DLG1: variants seen among roughly 807,000 people sequenced by gnomAD.
DLG1 encodes disks large homolog 1.
A neutral mutation model predicts 123.4 loss-of-function variants in DLG1; 42 were observed. The observed-to-expected ratio is 0.34, with a 90% CI of 0.27 to 0.44. DLG1 has a LOEUF of 0.44. Among genes scored for constraint, DLG1 ranks in the 20% least tolerant of loss-of-function variants. DLG1 has a pLI of 1.00. For synonymous variants in DLG1, 317 were observed against 356.2 expected (o/e 0.89, Z 1.24); for missense variants, 942 against 1,082.6 (o/e 0.87, Z 1.82).
chr3:197,091,071 TAA>T (rs2149175615), intron 14 of DLG1, 45 bp from the exon 15 acceptor site: 1 of 1,336,852 alleles, frequency 7.5e-7, no homozygotes, highest in East Asian at 2.4e-5. Flanking sequence ...TTTCAAAAAA[TAA>T]GTTATTTGAA....
At chr3:197,076,771 A>C in intron 17 of DLG1, 86 bp from the exon 18 acceptor site, 1 of 853,280 alleles carries the variant, frequency 1.2e-6, no homozygotes, top group Non-Finnish European at 1.9e-6. Flanking sequence ...GTGGAAGCTG[A>C]CTCCTATGAC....
intron 5 of DLG1, among the ~76,000 whole-genome samples, chr3:197,171,256 A>T (rs1338054598): frequency 1.3e-5 from 2 of 152,196 alleles, no homozygotes; most frequent in African/African-American, 4.8e-5. Context: ...GAATCACTGT[A>T]CTCAACGGGG....
chr3:197,214,512 G>C (rs1733010967), intron 4 of DLG1, among the ~76,000 whole-genome samples: 1 of 152,124 alleles, frequency 6.6e-6, no homozygotes, highest in African/African-American at 2.4e-5. Context: ...GGCGGAGCTT[G>C]TAGTGAGCCG....
intron 4 of DLG1, among the ~76,000 whole-genome samples, chr3:197,212,592 C>T (rs1171784618): frequency 6.6e-6 from 1 of 152,224 alleles, no homozygotes; most frequent in Non-Finnish European, 1.5e-5. Flanking sequence ...CTGATCTCTG[C>T]CTTCATCTTC....
chr3:197,119,483 C>T lies in DLG1; in HGVS notation c.1213G>A (p.Gly405Ser). The stretch of plus-strand genomic sequence containing the variant: ...CTGGCTGGAGATGCTGGTGTCTGGC[C>T]CAAGAAGGAAGATGGGCTAACATGG... ...DNHVSPSSFL[G>S]QTPASPARYS... The change falls in exon 12 of 25, where the codon GGC becomes AGC. Residue 405 changes from glycine to serine, a missense_variant. Physicochemically the swap from Gly to Ser is moderately conservative, Grantham distance 56. Coordinates refer to ENST00000667157, the MANE Select transcript of DLG1 (RefSeq NM_001366207.1). 1 of 1,611,330 alleles carries T rather than the reference C, an allele frequency of 6.2e-7. No homozygotes were observed. The highest frequency in any genetic ancestry group is 8.5e-7 in the Non-Finnish European group (1 of 1,178,266).
chr3:197,124,883 T>C (rs1046270526), intron 11 of DLG1, among the ~76,000 whole-genome samples: 10 of 152,178 alleles, frequency 6.6e-5, no homozygotes, highest in Non-Finnish European at 1.0e-4. Context: ...ATAAGGAGTA[T>C]GTAAACATGT....
chr3:197,073,709 C>T (rs1435904198), intron 18 of DLG1, among the ~76,000 whole-genome samples: 2 of 152,178 alleles, frequency 1.3e-5, no homozygotes, highest in Non-Finnish European at 2.9e-5. Flanking sequence ...CAGGTCTACA[C>T]AAAGCGTTCT....
intron 5 of DLG1, among the ~76,000 whole-genome samples, chr3:197,154,676 A>G (rs1412314186): frequency 6.6e-6 from 1 of 152,180 alleles, no homozygotes; most frequent in African/African-American, 2.4e-5. Context: ...CTCTGTCTCA[A>G]GAAAAAAAAA....
At chr3:197,130,336 TC>T (rs143889596) in intron 11 of DLG1, among the ~76,000 whole-genome samples, 190 bp downstream of exon 11, 13 of 152,038 alleles carry the variant, frequency 8.6e-5, no homozygotes, top group East Asian at 5.8e-4. Flanking sequence ...GTGAAAAGGA[TC>T]CCCCCCTTCT....
intron 19 of DLG1, chr3:197,068,498 G>A: frequency 6.4e-7 from 1 of 1,569,328 alleles, no homozygotes; most frequent in South Asian, 1.1e-5. Flanking sequence ...TTAACAGGAT[G>A]GACCTTTTGA....
At chr3:197,077,158 GAA>G (rs1747834948) in intron 17 of DLG1, among the ~76,000 whole-genome samples, 1 of 151,786 alleles carries the variant, frequency 6.6e-6, no homozygotes, top group African/African-American at 2.4e-5. Context: ...TGAGCTAACA[GAA>G]AAGTCATTAT....
intron 5 of DLG1, among the ~76,000 whole-genome samples, chr3:197,170,595 T>C (rs1343366296): frequency 6.6e-6 from 1 of 152,216 alleles, no homozygotes; most frequent in Non-Finnish European, 1.5e-5. Context: ...ACTGTTTTTC[T>C]CTTGTAAATT....
Position 197,187,064 on chromosome 3 carries a change from T to C in DLG1, c.483+7361A>G, listed in dbSNP as rs115116510. Reference sequence around the variant, plus strand: ...TTAAATTTCAAAACATACAACTGTATTGAGATAAGACAAGACTGAGAAGAG... The same window carrying C: ...TTAAATTTCAAAACATACAACTGTACTGAGATAAGACAAGACTGAGAAGAG... On this transcript the variant is annotated intron_variant, in intron 5 of 24. Transcript: ENST00000667157. Among the ~76,000 whole-genome samples, 56 of 152,302 alleles carry C rather than the reference T, an allele frequency of 3.7e-4. 1 individual carries two copies. Among genetic ancestry groups the C allele is most frequent in the African/African-American group, 1.2e-3 (51 of 41,570 alleles).
intron 14 of DLG1, among the ~76,000 whole-genome samples, chr3:197,101,855 G>C (rs987089353): frequency 5.3e-5 from 8 of 152,092 alleles, no homozygotes; most frequent in Non-Finnish European, 1.2e-4. Flanking sequence ...GCAGTGGTGA[G>C]ATCATAGCAA....
At chr3:197,080,863 T>C (rs1020600266) in intron 17 of DLG1, 188 bp downstream of exon 17, 1 of 477,294 alleles carries the variant, frequency 2.1e-6, no homozygotes, top group African/African-American at 2.0e-5. Context: ...ATATATCAAA[T>C]GATAGTTTTG....
At chr3:197,094,365 T>C (rs1358528316) in intron 14 of DLG1, among the ~76,000 whole-genome samples, 2 of 152,218 alleles carry the variant, frequency 1.3e-5, no homozygotes, top group African/African-American at 4.8e-5. Flanking sequence ...CTTTTAAGTG[T>C]GTGTGTAACA....
chr3:197,053,759 G>C (rs543335681), intron 23 of DLG1, among the ~76,000 whole-genome samples: 21 of 138,708 alleles, frequency 1.5e-4, no homozygotes, highest in African/African-American at 6.0e-4. Flanking sequence ...GGGAGACAGA[G>C]TAGACCCTGT....
At chr3:197,138,554 A>T (rs1347280171) in intron 8 of DLG1, among the ~76,000 whole-genome samples, 163 bp from the exon 9 acceptor site, 1 of 152,032 alleles carries the variant, frequency 6.6e-6, no homozygotes, top group Non-Finnish European at 1.5e-5. Context: ...ATCAAAAACT[A>T]ATATAAACAA....
At chr3:197,190,069 G>C (rs879890465) in intron 5 of DLG1, among the ~76,000 whole-genome samples, 6 of 152,114 alleles carry the variant, frequency 3.9e-5, no homozygotes, top group Non-Finnish European at 8.8e-5. Flanking sequence ...GCAATTTAAA[G>C]CAGATACCAA....
Sources: allele counts gnomAD v4.1 joint callset (sites outside exome capture counted in the v4.1 genomes callset), GRCh38; gene constraint gnomAD v4.1.1; transcripts MANE v1.5; gene names NCBI Gene and HGNC (gene_info 2026-07-23, HGNC 2026-07-21).